The following NALF1 variants were observed in gnomAD, a reference collection of about 807,000 sequenced individuals.
The protein encoded by NALF1 is family with sequence similarity 155 member A.
A neutral mutation model predicts 48.4 loss-of-function variants in NALF1; 3 were observed. The ratio of observed to expected loss-of-function variants is 0.06; its 90% CI spans 0.03 to 0.16. The LOEUF (loss-of-function observed/expected upper bound fraction) is 0.16, where lower values mean the gene tolerates loss of function less well. Ranked by LOEUF, NALF1 falls within the 10% of genes least tolerant of loss-of-function variation. The probability of loss-of-function intolerance (pLI) is 1.00; values close to 1 mark genes in which losing one functional copy is unlikely to be tolerated. For synonymous variants in NALF1, 262 were observed against 245.7 expected (o/e 1.07, Z -0.62); for missense variants, 526 against 571.5 (o/e 0.92, Z 0.81).
At chr13:107,853,933 T>C (rs1880379299) in intron 1 of NALF1, among the ~76,000 whole-genome samples, 1 of 152,170 alleles carries the variant, frequency 6.6e-6, no homozygotes, top group African/African-American at 2.4e-5. Flanking sequence ...AACAAAATAC[T>C]AAAAAATACT....
chr13:107,229,077 T>G (rs924171063), intron 1 of NALF1, among the ~76,000 whole-genome samples: 1 of 152,128 alleles, frequency 6.6e-6, no homozygotes, highest in African/African-American at 2.4e-5. Context: ...TTTATGGTAT[T>G]TACTAATATT....
intron 1 of NALF1, among the ~76,000 whole-genome samples, chr13:107,612,487 C>T (rs568188146): frequency 6.6e-6 from 1 of 152,162 alleles, no homozygotes; most frequent in South Asian, 2.1e-4. Flanking sequence ...GGTGTGTCTA[C>T]GCTAGTGTTT....
chr13:107,725,641 C>T (rs914536183), intron 1 of NALF1, among the ~76,000 whole-genome samples: 3 of 150,462 alleles, frequency 2.0e-5, no homozygotes, highest in South Asian at 2.1e-4. Context: ...GTCAAGATCA[C>T]GCCAGTGCAC....
At chr13:107,573,876 C>T (rs369076383) in intron 1 of NALF1, among the ~76,000 whole-genome samples, 26 of 152,210 alleles carry the variant, frequency 1.7e-4, no homozygotes, top group Admixed American at 6.5e-4. Flanking sequence ...TGTGAGTCTT[C>T]CCCAGCCATG....
intron 1 of NALF1, among the ~76,000 whole-genome samples, chr13:107,706,740 T>C (rs1019534377): frequency 4.6e-5 from 7 of 152,310 alleles, no homozygotes; most frequent in East Asian, 1.9e-4. Context: ...GGCTCAATGA[T>C]TGGCTATACT....
In NALF1 at chr13:107,293,322, C is replaced by T. The variant is rs145064245; in HGVS notation, c.916-82567G>A. Among the ~76,000 whole-genome samples, 162 of 152,194 alleles carry T rather than the reference C, an allele frequency of 1.1e-3. 1 individual carries two copies. In the East Asian group the frequency reaches 0.015, roughly 14 times the overall value. On this transcript the variant is annotated intron_variant, in intron 1 of 2. Coordinates refer to ENST00000375915, the MANE Select transcript of NALF1 (RefSeq NM_001080396.3). ...ATGGAGCCACCATCGTACATGTGGT[C>T]CATTGTTGACTGAAATGTTGTTAGG...
chr13:107,630,399 A>C (rs924216039), intron 1 of NALF1, among the ~76,000 whole-genome samples: 1 of 152,048 alleles, frequency 6.6e-6, no homozygotes. Context: ...CAGCATCCCC[A>C]CCTGACTGGG....
At chr13:107,693,337 C>A (rs188443153) in intron 1 of NALF1, among the ~76,000 whole-genome samples, 13 of 128,722 alleles carry the variant, frequency 1.0e-4, no homozygotes, top group African/African-American at 1.5e-4. Flanking sequence ...GTAGGGGGGG[C>A]GGGAGGGATA....
intron 1 of NALF1, among the ~76,000 whole-genome samples, chr13:107,458,940 C>T (rs1884871028): frequency 6.6e-6 from 1 of 152,010 alleles, no homozygotes; most frequent in Non-Finnish European, 1.5e-5. Flanking sequence ...CCTCATCCCC[C>T]TTAGTAAGAT....
At chr13:107,179,311 T>G (rs1299057976) in intron 2 of NALF1, among the ~76,000 whole-genome samples, 5 of 152,076 alleles carry the variant, frequency 3.3e-5, no homozygotes, top group Non-Finnish European at 7.4e-5. Flanking sequence ...ACCTAAAAAA[T>G]TAAAACGATT....
chr13:107,700,049 A>G (rs963184895), intron 1 of NALF1, among the ~76,000 whole-genome samples: 10 of 152,086 alleles, frequency 6.6e-5, no homozygotes, highest in Non-Finnish European at 1.0e-4. Flanking sequence ...GGATCAAAAG[A>G]ATTAATATTG....
chr13:107,827,797 T>C (rs141567429), intron 1 of NALF1, among the ~76,000 whole-genome samples: 5 of 152,194 alleles, frequency 3.3e-5, no homozygotes, highest in Admixed American at 6.5e-5. Flanking sequence ...TTTGTCAATG[T>C]AGTACTGAAT....
At chr13:107,789,858 G>A (rs1180623121) in intron 1 of NALF1, among the ~76,000 whole-genome samples, 2 of 152,110 alleles carry the variant, frequency 1.3e-5, no homozygotes. Flanking sequence ...ACAGAAACTT[G>A]TCAACCAACT....
At chr13:107,475,866 T>C (rs1885169941) in intron 1 of NALF1, among the ~76,000 whole-genome samples, 4 of 152,142 alleles carry the variant, frequency 2.6e-5, no homozygotes, top group Admixed American at 2.0e-4. Flanking sequence ...ATACCTAAAG[T>C]CTTCATCCAG....
At chr13:107,263,418 CA>C (rs1880975508) in intron 1 of NALF1, among the ~76,000 whole-genome samples, 1 of 152,012 alleles carries the variant, frequency 6.6e-6, no homozygotes, top group Non-Finnish European at 1.5e-5. Context: ...CCACTATAAC[CA>C]ATTTATTTAT....
chr13:107,447,489 A>G (rs1566346425), intron 1 of NALF1, among the ~76,000 whole-genome samples: 1 of 152,214 alleles, frequency 6.6e-6, no homozygotes, highest in South Asian at 2.1e-4. Flanking sequence ...AGGTTTCTGC[A>G]TAACACATAG....
intron 1 of NALF1, among the ~76,000 whole-genome samples, chr13:107,471,321 T>C (rs1885097133): frequency 6.6e-6 from 1 of 152,178 alleles, no homozygotes; most frequent in South Asian, 2.1e-4. Flanking sequence ...AAGACACATG[T>C]ACATATAAGA....
chr13:107,647,387 A>G (rs773032354), intron 1 of NALF1, among the ~76,000 whole-genome samples: 7 of 151,932 alleles, frequency 4.6e-5, no homozygotes, highest in Non-Finnish European at 1.0e-4. Flanking sequence ...TAAATCAAAA[A>G]AGAACCTCAT....
At chr13:107,549,212 T>C (rs1877220726) in intron 1 of NALF1, among the ~76,000 whole-genome samples, 1 of 152,174 alleles carries the variant, frequency 6.6e-6, no homozygotes, top group African/African-American at 2.4e-5. Context: ...CACTAATCTA[T>C]GACATCATTC....
Sources: allele counts gnomAD v4.1 joint callset (sites outside exome capture counted in the v4.1 genomes callset), GRCh38; gene constraint gnomAD v4.1.1; transcripts MANE v1.5; gene names NCBI Gene and HGNC (gene_info 2026-07-23, HGNC 2026-07-21).